Variants in PLXDC2 observed in about 807,000 individuals in gnomAD.
PLXDC2 encodes the protein plexin domain containing 2.
PLXDC2 carries 40 observed loss-of-function variants against 68.9 expected under a neutral mutation model. That is an observed-to-expected ratio of 0.58 (90% CI 0.45 to 0.76). The LOEUF (loss-of-function observed/expected upper bound fraction) is 0.76. PLXDC2 is among the 30% of genes least tolerant of loss of function. The pLI, the probability that PLXDC2 is intolerant of heterozygous loss-of-function variation, is 0.00. For synonymous variants in PLXDC2, 243 were observed against 234.2 expected, an observed-to-expected ratio of 1.04 and a Z score of -0.34; for missense variants, 644 against 661.9, an observed-to-expected ratio of 0.97 and a Z score of 0.30.
At chr10:20,099,123 T>C (rs1001934899) in intron 4 of PLXDC2, among the ~76,000 whole-genome samples, 1 of 152,142 alleles carries the variant, frequency 6.6e-6, no homozygotes, top group African/African-American at 2.4e-5. Context: ...CATAAACCCA[T>C]GTATGTTTAA....
rs1286536571 is a variant in PLXDC2 at position 19,884,805 on chromosome 10, G to A, written c.112+67614G>A. 3.3e-5 allele frequency among the ~76,000 whole-genome samples: 5 copies of A among 152,118 alleles called. No homozygotes were observed. In the South Asian group the frequency reaches 6.2e-4, roughly 19 times the overall value. On this transcript the variant is annotated intron_variant, in intron 1 of 13. Transcript: ENST00000377252. Reference sequence around the variant, plus strand: ...CTTTGCTATTGTGAATAGTGCCGCAGTAAATATATGTGTGCATGTGTCTTT... The same window carrying A: ...CTTTGCTATTGTGAATAGTGCCGCAATAAATATATGTGTGCATGTGTCTTT...
chr10:19,846,369 T>C (rs1254688003), intron 1 of PLXDC2, among the ~76,000 whole-genome samples: 4 of 152,148 alleles, frequency 2.6e-5, no homozygotes, highest in Non-Finnish European at 5.9e-5. Flanking sequence ...AAATGGGGGC[T>C]TTATGAAGTG....
chr10:19,931,145 A>C (rs572947964), intron 1 of PLXDC2, among the ~76,000 whole-genome samples: 3 of 152,354 alleles, frequency 2.0e-5, no homozygotes, highest in African/African-American at 7.2e-5. Context: ...CTTTGGATAG[A>C]TGAAGAGTAC....
At chr10:20,251,929 T>G (rs950513151) in intron 13 of PLXDC2, among the ~76,000 whole-genome samples, 3 of 147,486 alleles carry the variant, frequency 2.0e-5, no homozygotes, top group South Asian at 2.1e-4. Context: ...ATTCTATGAG[T>G]AAAATATTGG....
chr10:20,258,955 C>A (rs1835776946), intron 13 of PLXDC2, among the ~76,000 whole-genome samples: 1 of 146,676 alleles, frequency 6.8e-6, no homozygotes, highest in Non-Finnish European at 1.5e-5. Flanking sequence ...TTGCAGTGAG[C>A]AGAGATCATG....
chr10:20,133,311 A>G (rs1833891093), intron 4 of PLXDC2, among the ~76,000 whole-genome samples: 1 of 152,100 alleles, frequency 6.6e-6, no homozygotes. Flanking sequence ...TAATTCTTTC[A>G]TATATTTTCG....
intron 9 of PLXDC2, among the ~76,000 whole-genome samples, chr10:20,181,088 A>G (rs955953877): frequency 6.6e-6 from 1 of 152,076 alleles, no homozygotes; most frequent in Non-Finnish European, 1.5e-5. Flanking sequence ...GTTAATAGTG[A>G]TGAGTGTTAT....
chr10:20,189,481 A>C (rs1834731890), intron 9 of PLXDC2, among the ~76,000 whole-genome samples: 2 of 116,450 alleles, frequency 1.7e-5, no homozygotes, highest in African/African-American at 6.1e-5. Flanking sequence ...TAGGCCATAT[A>C]TATATATATA....
At chr10:20,200,154 A>AG (rs1429644482) in intron 9 of PLXDC2, among the ~76,000 whole-genome samples, 2 of 151,994 alleles carry the variant, frequency 1.3e-5, no homozygotes, top group African/African-American at 4.8e-5. Flanking sequence ...AACAAAAAAA[A>AG]TAGTATTAAA....
intron 1 of PLXDC2, among the ~76,000 whole-genome samples, chr10:19,849,121 C>T (rs148162537): frequency 1.5e-3 from 234 of 152,110 alleles, no homozygotes; most frequent in African/African-American, 5.0e-3. Context: ...TTGCAACCCA[C>T]ACATGTACAT....
intron 4 of PLXDC2, among the ~76,000 whole-genome samples, chr10:20,086,023 A>C (rs980602274): frequency 9.2e-5 from 14 of 152,216 alleles, no homozygotes; most frequent in Admixed American, 2.6e-4. Flanking sequence ...TGACAAATTC[A>C]GATTTAGACT....
intron 1 of PLXDC2, among the ~76,000 whole-genome samples, chr10:19,823,650 G>T (rs923512196): frequency 6.6e-6 from 1 of 151,138 alleles, no homozygotes; most frequent in Non-Finnish European, 1.5e-5. Flanking sequence ...CCAGCTGGGC[G>T]ACAGAGCAAG....
At chr10:19,956,157 A>G (rs1487561530) in intron 1 of PLXDC2, among the ~76,000 whole-genome samples, 3 of 152,186 alleles carry the variant, frequency 2.0e-5, no homozygotes, top group Non-Finnish European at 4.4e-5. Flanking sequence ...TCTTGAAACT[A>G]TAAATACTTT....
At chr10:20,162,169 A>G (rs1300960709) in intron 6 of PLXDC2, among the ~76,000 whole-genome samples, 1 of 151,476 alleles carries the variant, frequency 6.6e-6, no homozygotes, top group Non-Finnish European at 1.5e-5. Context: ...GAAGGAAGAG[A>G]AAAGAAGGAA....
chr10:19,995,809 G>A (rs898117575), intron 1 of PLXDC2, among the ~76,000 whole-genome samples: 7 of 152,188 alleles, frequency 4.6e-5, no homozygotes, highest in Admixed American at 2.6e-4. Flanking sequence ...CTACCTGGGG[G>A]AGTCAAGAGA....
chr10:20,138,241 G>A (rs1321116519), intron 4 of PLXDC2, among the ~76,000 whole-genome samples: 8 of 152,092 alleles, frequency 5.3e-5, no homozygotes, highest in Admixed American at 2.0e-4. Context: ...CTTTAAAGTC[G>A]CAGTTTCCAA....
chr10:20,000,480 A>G (rs1237891309), intron 1 of PLXDC2, among the ~76,000 whole-genome samples: 4 of 152,062 alleles, frequency 2.6e-5, no homozygotes, highest in African/African-American at 7.2e-5. Flanking sequence ...TGAGACAGGC[A>G]TATATCCTTA....
chr10:20,036,788 A>T (rs1589598494), intron 2 of PLXDC2, among the ~76,000 whole-genome samples: 2 of 152,320 alleles, frequency 1.3e-5, no homozygotes, highest in South Asian at 4.1e-4. Flanking sequence ...CCGTTTATAT[A>T]GAAAATGCAT....
At chr10:19,883,611 A>G (rs1211706127) in intron 1 of PLXDC2, among the ~76,000 whole-genome samples, 1 of 152,072 alleles carries the variant, frequency 6.6e-6, no homozygotes, top group African/African-American at 2.4e-5. Context: ...CTTTTCTAGA[A>G]TGTTGAAATA....
Sources: allele counts gnomAD v4.1 joint callset (sites outside exome capture counted in the v4.1 genomes callset), GRCh38; gene constraint gnomAD v4.1.1; transcripts MANE v1.5; gene names NCBI Gene and HGNC (gene_info 2026-07-23, HGNC 2026-07-21).